The following SPRED2 variants were observed in gnomAD, a reference collection of about 807,000 sequenced individuals.
SPRED2 encodes sprouty-related, EVH1 domain-containing protein 2.
A neutral mutation model predicts 43.0 loss-of-function variants in SPRED2; 47 were observed. The ratio of observed to expected loss-of-function variants is 1.09; its 90% CI spans 0.87 to 1.40. The LOEUF is 1.40. Among genes scored for constraint, SPRED2 ranks in the 40% most tolerant of loss-of-function variants. The pLI, the probability that SPRED2 is intolerant of heterozygous loss-of-function variation, is 0.00. For missense variants in SPRED2, 561 were observed against 586.4 expected (o/e 0.96, Z 0.45); for synonymous variants, 225 against 225.7 (o/e 1.00, Z 0.03).
At chr2:65,412,001 G>A (rs945308481) in intron 1 of SPRED2, among the ~76,000 whole-genome samples, 4 of 151,894 alleles carry the variant, frequency 2.6e-5, no homozygotes, top group Non-Finnish European at 2.9e-5. Context: ...GGTGGCAGGC[G>A]CCTGTAGTCC....
rs1673058653 is a variant in SPRED2 at position 65,311,194 on chromosome 2, A to C, written c.*2307T>G. 1 of 985,850 alleles carries C rather than the reference A, an allele frequency of 1.0e-6. No individual in the cohort carries two copies. The highest frequency in any genetic ancestry group is 1.2e-6 in the Non-Finnish European group (1 of 829,900). The allele number at this position is 985,850 out of a possible 1,614,324, so 61.1% of individuals were successfully genotyped here. A position where few individuals can be genotyped will look rare whatever the true frequency, so the allele number is the denominator to read the frequency against. ...CTGAATAATTTCTCTCAAATGATTG[A>C]CGTCAGTATGGCAAAGCTGACTGGG... On this transcript the variant is annotated 3_prime_UTR_variant, in exon 6 of 6. Coordinates refer to ENST00000356388, the MANE Select transcript of SPRED2 (RefSeq NM_181784.3).
At position 65,395,392 on chromosome 2, in the gene SPRED2, C is replaced by T. The variant is rs546603641; in HGVS notation, c.26+36570G>A. Among the ~76,000 whole-genome samples the T allele has an allele frequency of 3.9e-5, 6 of 152,264 alleles. No individual in the cohort carries two copies. In the East Asian group the frequency reaches 1.2e-3, roughly 29 times the overall value. ...CTTCCCCTTCTCTCCAGGGTTCTCA[C>T]CACGGCAGTACCCTACGCAGTGGAA... is the stretch of plus-strand genomic sequence containing the variant. On this transcript the variant is annotated intron_variant, in intron 1 of 5. Transcript: ENST00000356388.
intron 1 of SPRED2, among the ~76,000 whole-genome samples, chr2:65,347,755 A>G (rs1674395821): frequency 6.6e-6 from 1 of 152,162 alleles, no homozygotes; most frequent in Non-Finnish European, 1.5e-5. Context: ...TGAGGTCTCT[A>G]CATAGGCATC....
At chr2:65,319,855 C>G (rs1673361221) in intron 4 of SPRED2, among the ~76,000 whole-genome samples, 1 of 152,186 alleles carries the variant, frequency 6.6e-6, no homozygotes, top group Non-Finnish European at 1.5e-5. Context: ...GCAGCACAGT[C>G]ACTGGCAGAG....
chr2:65,310,393 C>A (rs768885341), downstream of SPRED2, among the ~76,000 whole-genome samples: 2 of 151,750 alleles, frequency 1.3e-5, no homozygotes, highest in Non-Finnish European at 2.9e-5. Flanking sequence ...AAGAGAGCTG[C>A]TCGGAGGAGA....
intron 1 of SPRED2, among the ~76,000 whole-genome samples, chr2:65,403,078 A>T (rs922161490): frequency 6.6e-6 from 1 of 152,244 alleles, no homozygotes; most frequent in Non-Finnish European, 1.5e-5. Context: ...AAGCCAGCCA[A>T]ATACAAAGCT....
At chr2:65,330,893 C>T (rs1174954682) in intron 4 of SPRED2, among the ~76,000 whole-genome samples, 1 of 152,084 alleles carries the variant, frequency 6.6e-6, no homozygotes, top group Non-Finnish European at 1.5e-5. Flanking sequence ...GTTACAACAG[C>T]TGAATGTTAG....
intron 1 of SPRED2, among the ~76,000 whole-genome samples, chr2:65,423,686 G>T (rs1426969442): frequency 6.6e-6 from 1 of 152,038 alleles, no homozygotes; most frequent in Non-Finnish European, 1.5e-5. Flanking sequence ...CATGATGGGG[G>T]ACAGACCTGG....
chr2:65,396,752 G>A (rs570660915), intron 1 of SPRED2, among the ~76,000 whole-genome samples: 5 of 152,292 alleles, frequency 3.3e-5, no homozygotes, highest in Middle Eastern at 6.8e-3. Context: ...AAGCATGGCC[G>A]CCTCCCCAGA....
At chr2:65,350,226 G>A (rs1303421462) in intron 1 of SPRED2, among the ~76,000 whole-genome samples, 2 of 152,146 alleles carry the variant, frequency 1.3e-5, no homozygotes, top group Admixed American at 1.3e-4. Flanking sequence ...GGGGGGATGG[G>A]GCAGGAAGGG....
chr2:65,322,292 A>ATC (rs1490204181), intron 4 of SPRED2, among the ~76,000 whole-genome samples: 5 of 70,828 alleles, frequency 7.1e-5, no homozygotes, highest in African/African-American at 3.6e-4. Context: ...ATATATATAT[A>ATC]TATTTTTTTT....
At chr2:65,423,987 C>T (rs1676499254) in intron 1 of SPRED2, among the ~76,000 whole-genome samples, 2 of 152,238 alleles carry the variant, frequency 1.3e-5, no homozygotes, top group South Asian at 4.2e-4. Flanking sequence ...TGGGGTTTCT[C>T]CATCTTGGTT....
At chr2:65,395,794 C>A (rs1250140200) in intron 1 of SPRED2, among the ~76,000 whole-genome samples, 1 of 152,132 alleles carries the variant, frequency 6.6e-6, no homozygotes, top group South Asian at 2.1e-4. Context: ...GCAGTTACTG[C>A]TGGAAGTCCT....
intron 1 of SPRED2, chr2:65,366,876 G>T: frequency 1.3e-6 from 1 of 798,492 alleles, no homozygotes; most frequent in Non-Finnish European, 1.7e-6. Flanking sequence ...AAGCCTGACA[G>T]CTGACAGATG....
At chr2:65,349,308 C>CTAA (rs1674439511) in intron 1 of SPRED2, among the ~76,000 whole-genome samples, 1 of 83,704 alleles carries the variant, frequency 1.2e-5, no homozygotes, top group Admixed American at 1.6e-4. Context: ...GACTCTGTCT[C>CTAA]AAAAAAAAAA....
intron 1 of SPRED2, among the ~76,000 whole-genome samples, chr2:65,387,599 C>T (rs1332443142): frequency 2.6e-5 from 4 of 152,092 alleles, no homozygotes; most frequent in African/African-American, 7.2e-5. Context: ...TATTTGTGTG[C>T]ATACTAACTC....
At chr2:65,354,552 G>GAAAAAAAAA (rs11341778) in intron 1 of SPRED2, among the ~76,000 whole-genome samples, 1 of 142,524 alleles carries the variant, frequency 7.0e-6, no homozygotes, top group African/African-American at 2.6e-5. Context: ...GTGCTCTCAT[G>GAAAAAAAAA]AAAAAAAAAA....
At chr2:65,338,208 C>T (rs1219823935) in intron 2 of SPRED2, among the ~76,000 whole-genome samples, 4 of 109,688 alleles carry the variant, frequency 3.6e-5, no homozygotes, top group Non-Finnish European at 5.9e-5. Context: ...CTCCCTCTCC[C>T]TCTCCCGTCT....
intron 4 of SPRED2, among the ~76,000 whole-genome samples, chr2:65,321,588 G>A (rs1029700785): frequency 6.6e-6 from 1 of 151,580 alleles, no homozygotes; most frequent in African/African-American, 2.4e-5. Flanking sequence ...AGAAACGAGG[G>A]GAGTATTACA....
Sources: allele counts gnomAD v4.1 joint callset (sites outside exome capture counted in the v4.1 genomes callset), GRCh38; gene constraint gnomAD v4.1.1; transcripts MANE v1.5; gene names NCBI Gene and HGNC (gene_info 2026-07-23, HGNC 2026-07-21).